GABRB1: variants seen among roughly 807,000 people sequenced by gnomAD.
GABRB1 encodes gamma-aminobutyric acid receptor subunit beta-1.
GABRB1 carries 17 observed loss-of-function variants against 51.6 expected under a neutral mutation model. The ratio of observed to expected loss-of-function variants is 0.33; its 90% CI spans 0.23 to 0.49. The LOEUF (loss-of-function observed/expected upper bound fraction) is 0.49, where lower values mean the gene tolerates loss of function less well. GABRB1 is among the 20% of genes least tolerant of loss of function. The pLI is 0.99. For synonymous variants in GABRB1, 247 were observed against 218.9 expected (o/e 1.13, Z -1.14); for missense variants, 410 against 600.6 (o/e 0.68, Z 3.32).
intron 5 of GABRB1, among the ~76,000 whole-genome samples, chr4:47,384,421 A>AT (rs1727711314): frequency 6.6e-6 from 1 of 151,960 alleles, no homozygotes; most frequent in African/African-American, 2.4e-5. Context: ...CAAAATAAAA[A>AT]AAAAAAAAGG....
At chr4:47,244,892 C>T (rs917640185) in intron 4 of GABRB1, among the ~76,000 whole-genome samples, 5 of 152,038 alleles carry the variant, frequency 3.3e-5, no homozygotes, top group Admixed American at 6.6e-5. Context: ...AGAGAAAGCA[C>T]GAAAGATCTA....
intron 4 of GABRB1, among the ~76,000 whole-genome samples, chr4:47,203,306 TAAGG>T (rs1286617748): frequency 1.3e-5 from 2 of 152,188 alleles, no homozygotes; most frequent in Non-Finnish European, 2.9e-5. Context: ...TTCCATCTTG[TAAGG>T]AGTCGTTCAA....
intron 1 of GABRB1, among the ~76,000 whole-genome samples, chr4:47,019,974 C>G (rs533949127): frequency 6.9e-6 from 1 of 145,074 alleles, no homozygotes; most frequent in Non-Finnish European, 1.5e-5. Context: ...TTTGTAGAGA[C>G]AGGGTTTCAC....
intron 3 of GABRB1, among the ~76,000 whole-genome samples, chr4:47,095,890 T>G (rs1714401847): frequency 1.3e-5 from 2 of 152,218 alleles, no homozygotes; most frequent in Admixed American, 1.3e-4. Flanking sequence ...TCTTGGGCAT[T>G]AAAAACATCC....
intron 4 of GABRB1, among the ~76,000 whole-genome samples, chr4:47,203,681 G>A (rs910004846): frequency 6.6e-6 from 1 of 152,058 alleles, no homozygotes; most frequent in Non-Finnish European, 1.5e-5. Context: ...ACACAGGGAT[G>A]GCACACAGCA....
intron 5 of GABRB1, among the ~76,000 whole-genome samples, chr4:47,399,298 G>A (rs1053636523): frequency 6.6e-6 from 1 of 151,980 alleles, no homozygotes; most frequent in Non-Finnish European, 1.5e-5. Flanking sequence ...TTAAAATACT[G>A]CTGGATTTTG....
chr4:47,162,800 C>T (rs1718018830), intron 4 of GABRB1, among the ~76,000 whole-genome samples: 1 of 152,080 alleles, frequency 6.6e-6, no homozygotes, highest in Non-Finnish European at 1.5e-5. Context: ...GCTTTAATCC[C>T]TTCGGAGCCA....
chr4:47,248,514 C>A (rs1384056462), intron 4 of GABRB1, among the ~76,000 whole-genome samples: 2 of 152,036 alleles, frequency 1.3e-5, no homozygotes, highest in Non-Finnish European at 2.9e-5. Flanking sequence ...GTGATGCTGG[C>A]TTCATAGAAT....
intron 1 of GABRB1, among the ~76,000 whole-genome samples, chr4:47,010,155 T>C (rs868554566): frequency 2.6e-5 from 4 of 152,250 alleles, no homozygotes; most frequent in Admixed American, 2.6e-4. Flanking sequence ...TGGCACACAC[T>C]GTCTTGTCCT....
At chr4:47,014,031 A>G (rs1347658999) in intron 1 of GABRB1, among the ~76,000 whole-genome samples, 1 of 152,062 alleles carries the variant, frequency 6.6e-6, no homozygotes, top group African/African-American at 2.4e-5. Context: ...ATTTTATAGG[A>G]TTTTCATTTA....
At chr4:47,066,434 T>C (rs1177550126) in intron 3 of GABRB1, among the ~76,000 whole-genome samples, 1 of 152,196 alleles carries the variant, frequency 6.6e-6, no homozygotes, top group Non-Finnish European at 1.5e-5. Context: ...TGTTGTTCTA[T>C]AGCATTTTAT....
At chr4:47,369,118 A>T (rs1279246359) in intron 5 of GABRB1, among the ~76,000 whole-genome samples, 2 of 149,882 alleles carry the variant, frequency 1.3e-5, no homozygotes, top group African/African-American at 4.9e-5. Context: ...AATTTAAAAA[A>T]ATTTTTTTTT....
intron 5 of GABRB1, among the ~76,000 whole-genome samples, chr4:47,363,019 C>CGTGTGTGTGTGTGT (rs72429068): frequency 1.7e-4 from 20 of 119,024 alleles, no homozygotes; most frequent in South Asian, 1.0e-3. Flanking sequence ...AGTGTCTAAG[C>CGTGTGTGTGTGTGT]GTGTGTGTGT....
intron 1 of GABRB1, among the ~76,000 whole-genome samples, chr4:47,015,842 G>A (rs564198602): frequency 2.0e-5 from 3 of 152,198 alleles, no homozygotes; most frequent in Non-Finnish European, 4.4e-5. Context: ...ATATTTTTGA[G>A]ATCCTACAGC....
chr4:47,018,243 G>C (rs1284421948), intron 1 of GABRB1, among the ~76,000 whole-genome samples: 1 of 150,228 alleles, frequency 6.7e-6, no homozygotes, highest in Non-Finnish European at 1.5e-5. Flanking sequence ...GCCCAGGTTG[G>C]TCTTGAACTC....
chr4:47,042,572 T>G (rs1725903996), intron 3 of GABRB1, among the ~76,000 whole-genome samples: 1 of 150,982 alleles, frequency 6.6e-6, no homozygotes, highest in Non-Finnish European at 1.5e-5. Flanking sequence ...ACTGTCAATA[T>G]TTCTAGATAC....
At chr4:47,114,265 ACT>A (rs1264363711) in intron 3 of GABRB1, among the ~76,000 whole-genome samples, 13 of 152,060 alleles carry the variant, frequency 8.5e-5, no homozygotes. Flanking sequence ...TCCTCAGAGT[ACT>A]CTCTGAATGC....
At chr4:47,410,562 C>T (rs1728728185) in intron 8 of GABRB1, among the ~76,000 whole-genome samples, 1 of 152,108 alleles carries the variant, frequency 6.6e-6, no homozygotes, top group Non-Finnish European at 1.5e-5. Flanking sequence ...TTGATTGTTC[C>T]AGAGTTCCTG....
At chr4:47,350,218 T>TATATATAGAGAGAGAG (rs750199965) in intron 5 of GABRB1, among the ~76,000 whole-genome samples, 36 of 56,636 alleles carry the variant, frequency 6.4e-4, no homozygotes, top group African/African-American at 2.7e-3. Context: ...TATATATATA[T>TATATATAGAGAGAGAG]AGAGAGAGAG....
Sources: gnomAD v4.1 joint callset for allele counts (sites outside exome capture counted in the v4.1 genomes callset) on GRCh38, gnomAD v4.1.1 for gene constraint, MANE v1.5 for transcripts, NCBI Gene and HGNC (gene_info 2026-07-23, HGNC 2026-07-21) for gene names.